The following ATP9B variants were observed in gnomAD, a reference collection of about 807,000 sequenced individuals.
ATP9B encodes probable phospholipid-transporting ATPase IIB.
ATP9B carries 110 observed loss-of-function variants against 146.1 expected under a neutral mutation model. The observed-to-expected ratio is 0.75, with a 90% CI of 0.65 to 0.88. The LOEUF (loss-of-function observed/expected upper bound fraction) is 0.88, where lower values mean the gene tolerates loss of function less well. Among genes scored for constraint, ATP9B ranks in the 40% least tolerant of loss-of-function variants. ATP9B has a pLI of 0.00. For missense variants in ATP9B, 1,499 were observed against 1,496.4 expected (o/e 1.00, Z -0.03); for synonymous variants, 604 against 569.7 (o/e 1.06, Z -0.86).
At chr18:79,350,537 A>G (rs1211139824) in intron 25 of ATP9B, among the ~76,000 whole-genome samples, 2 of 152,260 alleles carry the variant, frequency 1.3e-5, no homozygotes, top group Non-Finnish European at 2.9e-5. Flanking sequence ...ACCTTATTTC[A>G]TGACTCTACG....
chr18:79,298,231 A>G (rs1042524937), intron 13 of ATP9B, among the ~76,000 whole-genome samples: 1 of 146,982 alleles, frequency 6.8e-6, no homozygotes, highest in African/African-American at 2.5e-5. Context: ...CAAGGAATGT[A>G]CAAAAAATTC....
intron 18 of ATP9B, 33 bp downstream of exon 18, chr18:79,336,744 C>T (rs1031958298): frequency 2.5e-6 from 4 of 1,599,328 alleles, no homozygotes; most frequent in African/African-American, 1.3e-5. Context: ...CATCCTCCTA[C>T]GACGTTTCCT....
At chr18:79,372,933 T>A (rs1207824394) in intron 27 of ATP9B, 51 bp downstream of exon 27, 1 of 1,347,774 alleles carries the variant, frequency 7.4e-7, no homozygotes, top group African/African-American at 1.4e-5. Context: ...TATTTTGGTC[T>A]TTTTGTTAGC....
chr18:79,077,872 C>G (rs781045625), intron 1 of ATP9B: 7 of 152,252 alleles, frequency 4.6e-5, no homozygotes, highest in Non-Finnish European at 1.0e-4. Flanking sequence ...AAGTTTACCT[C>G]TGCTGCTCAG....
At chr18:79,359,239 T>G in intron 25 of ATP9B, 115 bp from the exon 26 acceptor site, 1 of 722,706 alleles carries the variant, frequency 1.4e-6, no homozygotes, top group Non-Finnish European at 2.3e-6. Context: ...CTTTGTTGGT[T>G]TTTGTGGAGT....
At chr18:79,169,791 C>T (rs1247768681) in intron 7 of ATP9B, among the ~76,000 whole-genome samples, 1 of 152,084 alleles carries the variant, frequency 6.6e-6, no homozygotes, top group Non-Finnish European at 1.5e-5. Flanking sequence ...AAGAATGGTT[C>T]CTGAATGCTG....
chr18:79,166,705 C>T (rs1017968776), intron 7 of ATP9B, among the ~76,000 whole-genome samples: 6 of 152,114 alleles, frequency 3.9e-5, no homozygotes, highest in African/African-American at 1.5e-4. Context: ...TGAGCACCAC[C>T]TTTTGTCACA....
intron 11 of ATP9B, among the ~76,000 whole-genome samples, chr18:79,240,474 A>C (rs2095877304): frequency 6.6e-6 from 1 of 152,244 alleles, no homozygotes; most frequent in Non-Finnish European, 1.5e-5. Context: ...CTGGCCGGAC[A>C]CAGGCTCACG....
intron 13 of ATP9B, among the ~76,000 whole-genome samples, chr18:79,291,648 G>A (rs1295354245): frequency 6.6e-6 from 1 of 152,204 alleles, no homozygotes; most frequent in East Asian, 1.9e-4. Context: ...TATTCACATG[G>A]ACAGAATAAC....
At chr18:79,151,028 C>A (rs1453274966) in intron 6 of ATP9B, among the ~76,000 whole-genome samples, 1 of 152,176 alleles carries the variant, frequency 6.6e-6, no homozygotes, top group Admixed American at 6.5e-5. Context: ...CTAAATTGAT[C>A]TGTAGATTCA....
In ATP9B at chr18:79,154,485, T is replaced by C; in HGVS notation, c.727-19T>C. 6.6e-7 allele frequency: 1 copy of C among 1,525,250 alleles called. No homozygotes were observed. Among genetic ancestry groups the C allele is most frequent in the Non-Finnish European group, 8.8e-7 (1 of 1,141,460 alleles). 94.5% of individuals were successfully genotyped at this position (1,525,250 alleles called of 1,614,324 possible). ...AAACCTGCATATAGATAATTAATCT[T>C]TTATAATGCTCTTTGCAGAATCAAA... On this transcript the variant is annotated intron_variant, in intron 6 of 29. Transcript: ENST00000426216.
intron 11 of ATP9B, among the ~76,000 whole-genome samples, chr18:79,245,896 TGAG>T (rs2095950603): frequency 8.5e-6 from 1 of 117,170 alleles, no homozygotes; most frequent in South Asian, 2.5e-4. Context: ...CTCTACTGAC[TGAG>T]GAGGGCACCG....
rs752209683 is a variant in ATP9B at position 79,337,287 on chromosome 18, C to T, written c.2121C>T (p.Tyr707=). 6.2e-7 allele frequency: 1 copy of T among 1,613,936 alleles called. No homozygotes were observed. Among genetic ancestry groups the T allele is most frequent in the Non-Finnish European group, 8.5e-7 (1 of 1,179,964 alleles). The change falls in exon 19 of 30, where the codon TAC becomes TAT. Residue 707 remains tyrosine (Y), a synonymous_variant. Coordinates refer to ENST00000426216, the MANE Select transcript of ATP9B (RefSeq NM_198531.5). ...EEQYQDFESR[Y]TQAKLSMHDR... The stretch of plus-strand genomic sequence containing the variant: ...TCCCCCTCTGTCCCCAGAGCCGATA[C>T]ACTCAAGCCAAGCTGAGCATGCACG...
chr18:79,347,808 C>T lies in ATP9B; in HGVS notation c.2721C>T (p.Ile907=). The T allele has an allele frequency of 1.2e-6, 2 of 1,607,428 alleles. No homozygotes were observed. The highest frequency in any genetic ancestry group is 2.7e-5 in the African/African-American group (2 of 74,764). ...KQASLAADFS[I]TQFRHIGRLL... is the part of the protein sequence containing the mutation. ...CCTCGCTGGCGGCCGACTTCTCCAT[C>T]ACGCAGTTCCGGCACATAGGCAGGC... The change falls in exon 24 of 30, where the codon ATC becomes ATT. Residue 907 remains isoleucine (I), a synonymous_variant. Transcript: ENST00000426216.
At chr18:79,265,938 T>C (rs2096199089) in intron 12 of ATP9B, among the ~76,000 whole-genome samples, 1 of 152,234 alleles carries the variant, frequency 6.6e-6, no homozygotes. Flanking sequence ...AGGGGTCCGG[T>C]TTCTCTCTTC....
chr18:79,338,495 C>G (rs1030809670), intron 19 of ATP9B, among the ~76,000 whole-genome samples: 1 of 152,236 alleles, frequency 6.6e-6, no homozygotes, highest in Non-Finnish European at 1.5e-5. Flanking sequence ...CCGTCTCATC[C>G]AGCTGTGTGG....
intron 15 of ATP9B, among the ~76,000 whole-genome samples, chr18:79,319,197 C>T (rs1016304487): frequency 6.6e-6 from 1 of 152,118 alleles, no homozygotes; most frequent in African/African-American, 2.4e-5. Context: ...ATGTCAGACA[C>T]TAAAAATAAA....
chr18:79,213,225 A>G (rs2095599495), intron 10 of ATP9B, among the ~76,000 whole-genome samples: 1 of 152,164 alleles, frequency 6.6e-6, no homozygotes, highest in Non-Finnish European at 1.5e-5. Flanking sequence ...ATTAAGGATG[A>G]AAATTAGGAA....
At chr18:79,173,078 C>T (rs368474463) in intron 7 of ATP9B, among the ~76,000 whole-genome samples, 2 of 152,138 alleles carry the variant, frequency 1.3e-5, no homozygotes, top group Non-Finnish European at 2.9e-5. Context: ...TGTGCCGTTC[C>T]GTTATGGCTG....
Sources: allele counts gnomAD v4.1 joint callset (sites outside exome capture counted in the v4.1 genomes callset), GRCh38; gene constraint gnomAD v4.1.1; transcripts MANE v1.5; gene names NCBI Gene and HGNC (gene_info 2026-07-23, HGNC 2026-07-21).